TPST1: variants seen among roughly 807,000 people sequenced by gnomAD.
The protein encoded by TPST1 is tyrosylprotein sulfotransferase 1, also known as protein-tyrosine sulfotransferase 1.
A neutral mutation model predicts 34.8 loss-of-function variants in TPST1; 20 were observed. That is an observed-to-expected ratio of 0.57 (90% CI 0.40 to 0.84). The LOEUF (loss-of-function observed/expected upper bound fraction) is 0.84, where lower values mean the gene tolerates loss of function less well. Ranked by LOEUF, TPST1 falls within the 40% of genes least tolerant of loss-of-function variation. The pLI is 0.00. For synonymous variants in TPST1, 152 were observed against 159.4 expected (o/e 0.95, Z 0.35); for missense variants, 353 against 455.5 (o/e 0.78, Z 2.05).
At chr7:66,358,236 A>T (rs1346375260) in intron 5 of TPST1, among the ~76,000 whole-genome samples, 1 of 152,182 alleles carries the variant, frequency 6.6e-6, no homozygotes, top group African/African-American at 2.4e-5. Flanking sequence ...TGACAGAGCG[A>T]GACTTCGTCT....
At chr7:66,254,590 G>C (rs909605503) in intron 2 of TPST1, among the ~76,000 whole-genome samples, 1 of 152,002 alleles carries the variant, frequency 6.6e-6, no homozygotes, top group African/African-American at 2.4e-5. Flanking sequence ...TTTTAGTAGA[G>C]ACAGGGTTTT....
intron 1 of TPST1, among the ~76,000 whole-genome samples, chr7:66,206,075 C>A (rs1445162335): frequency 6.6e-6 from 1 of 151,786 alleles, no homozygotes; most frequent in Non-Finnish European, 1.5e-5. Context: ...TTCTCTTACT[C>A]TTAAACCTCC....
rs151076168 is a variant in TPST1, at chr7:66,279,294, G to A, written c.846-7217G>A. On this transcript the variant is annotated intron_variant, in intron 2 of 5. Coordinates refer to ENST00000304842, the MANE Select transcript of TPST1 (RefSeq NM_003596.4). ...TTTTATAGCTGTGTAGTATTCCATG[G>A]TGTATATCTACCACATTTTCATCAT... 6.4e-3 allele frequency among the ~76,000 whole-genome samples: 979 copies of A among 152,258 alleles called. 3 individuals carry two copies. Among genetic ancestry groups the A allele is most frequent in the Non-Finnish European group, 9.9e-3 (675 of 68,016 alleles).
intron 3 of TPST1, among the ~76,000 whole-genome samples, chr7:66,334,021 A>G (rs534997552): frequency 6.6e-6 from 1 of 152,232 alleles, no homozygotes; most frequent in Non-Finnish European, 1.5e-5. Context: ...AAACAGGGAT[A>G]CAAAAAAGCA....
chr7:66,311,802 A>G (rs1234973172), intron 3 of TPST1, among the ~76,000 whole-genome samples: 1 of 152,214 alleles, frequency 6.6e-6, no homozygotes, highest in Non-Finnish European at 1.5e-5. Flanking sequence ...AAATTTGTCC[A>G]CAGGACGAGG....
chr7:66,242,240 A>G (rs1190528552), intron 2 of TPST1, among the ~76,000 whole-genome samples: 2 of 152,088 alleles, frequency 1.3e-5, no homozygotes, highest in Admixed American at 6.6e-5. Context: ...TCAAAGTAAT[A>G]TATAACACCT....
chr7:66,326,746 A>T (rs1791875411), intron 3 of TPST1, among the ~76,000 whole-genome samples: 1 of 152,236 alleles, frequency 6.6e-6, no homozygotes, highest in African/African-American at 2.4e-5. Context: ...GAAAGTTGAT[A>T]CACTGAACCA....
intron 2 of TPST1, among the ~76,000 whole-genome samples, chr7:66,258,621 C>A (rs991593233): frequency 6.6e-6 from 1 of 152,192 alleles, no homozygotes; most frequent in South Asian, 2.1e-4. Context: ...ACAGAGGCTC[C>A]TTTCATTGTT....
At chr7:66,286,776 T>C in intron 3 of TPST1, 67 bp downstream of exon 3, 1 of 1,271,460 alleles carries the variant, frequency 7.9e-7, no homozygotes, top group Non-Finnish European at 1.0e-6. Flanking sequence ...ATACGTTTTT[T>C]TCTTATTTTA....
At chr7:66,206,930 C>T (rs1393947398) in intron 1 of TPST1, among the ~76,000 whole-genome samples, 1 of 152,106 alleles carries the variant, frequency 6.6e-6, no homozygotes, top group Non-Finnish European at 1.5e-5. Context: ...ATCCACCCCT[C>T]TCCCTCCCCC....
At chr7:66,298,403 C>G (rs538908532) in intron 3 of TPST1, among the ~76,000 whole-genome samples, 82 of 152,264 alleles carry the variant, frequency 5.4e-4, no homozygotes, top group Non-Finnish European at 9.0e-4. Flanking sequence ...TTTATCTCTG[C>G]TGTTACCCTC....
upstream of TPST1, among the ~76,000 whole-genome samples, chr7:66,204,918 G>A (rs925397678): frequency 3.9e-5 from 6 of 152,256 alleles, no homozygotes; most frequent in Non-Finnish European, 7.3e-5. Context: ...GAATTATCAG[G>A]AAAAGCTCAT....
chr7:66,334,692 T>G (rs1367837700), intron 3 of TPST1, among the ~76,000 whole-genome samples: 1 of 150,508 alleles, frequency 6.6e-6, no homozygotes. Flanking sequence ...TCACCAGAAC[T>G]TGGGGAAGAA....
At chr7:66,206,900 C>T (rs1789141507) in intron 1 of TPST1, among the ~76,000 whole-genome samples, 1 of 152,130 alleles carries the variant, frequency 6.6e-6, no homozygotes, top group African/African-American at 2.4e-5. Context: ...GACAAGTCCT[C>T]TAAGAGTGAG....
chr7:66,328,266 A>G (rs570645209), intron 3 of TPST1, among the ~76,000 whole-genome samples: 101 of 151,540 alleles, frequency 6.7e-4, no homozygotes, highest in Admixed American at 1.4e-3. Context: ...AGCTCAGGCA[A>G]TCTTCTCGCC....
intron 3 of TPST1, among the ~76,000 whole-genome samples, chr7:66,300,991 T>C (rs192879621): frequency 1.0e-3 from 156 of 151,954 alleles, no homozygotes; most frequent in African/African-American, 3.5e-3. Flanking sequence ...TAGAAATTAC[T>C]CCTTGATCCA....
intron 2 of TPST1, among the ~76,000 whole-genome samples, chr7:66,272,741 C>CAT (rs1201202107): frequency 6.6e-6 from 1 of 152,100 alleles, no homozygotes; most frequent in Admixed American, 6.5e-5. Context: ...CACATACCCT[C>CAT]ATGCCTGGCT....
intron 1 of TPST1, among the ~76,000 whole-genome samples, chr7:66,215,663 G>T (rs574697366): frequency 6.6e-6 from 1 of 151,512 alleles, no homozygotes. Context: ...GTGAGCCACC[G>T]CGCCCAGCCT....
At chr7:66,226,968 G>A in intron 1 of TPST1, among the ~76,000 whole-genome samples, 1 of 145,242 alleles carries the variant, frequency 6.9e-6, no homozygotes, top group Non-Finnish European at 1.5e-5. Context: ...CCTGACAGAA[G>A]CAGTGGAAAA....
Sources: allele counts gnomAD v4.1 joint callset (sites outside exome capture counted in the v4.1 genomes callset), GRCh38; gene constraint gnomAD v4.1.1; transcripts MANE v1.5; gene names NCBI Gene and HGNC (gene_info 2026-07-23, HGNC 2026-07-21).